Variants in KLC3 observed in about 807,000 individuals in gnomAD.
KLC3 encodes kinesin light chain 2.
Under a neutral mutation model 62.9 loss-of-function variants are expected in KLC3, and 72 were observed. That is an observed-to-expected ratio of 1.15 (90% CI 0.95 to 1.39). The LOEUF (loss-of-function observed/expected upper bound fraction) is 1.39. Ranked by LOEUF, KLC3 falls within the 40% of genes most tolerant of loss-of-function variation. KLC3 has a pLI of 0.00. For missense variants in KLC3, 848 were observed against 691.6 expected (o/e 1.23, Z -2.54); for synonymous variants, 377 against 300.5 (o/e 1.25, Z -2.63).
chr19:45,347,811 G>C, intron 4 of KLC3, 130 bp from the exon 5 acceptor site: 1 of 771,080 alleles, frequency 1.3e-6, no homozygotes, highest in South Asian at 1.7e-5. Flanking sequence ...TATCTCAGAA[G>C]TTAGCGTGGG....
rs1174299183 is a variant in KLC3 at position 45,351,311 on chromosome 19, C to T, written c.1469C>T (p.Ala490Val). 1.2e-6 allele frequency: 2 copies of T among 1,612,524 alleles called. No individual in the cohort carries two copies. The highest frequency in any genetic ancestry group is 1.7e-6 in the Non-Finnish European group (2 of 1,180,008). The change falls in exon 13 of 13, where the codon GCC (alanine) becomes GTC (valine). Residue 490 changes from alanine (A) to valine (V), a missense_variant. Physicochemically the swap from Ala to Val is moderately conservative, Grantham distance 64 (BLOSUM62 0). Coordinates refer to ENST00000391946, the MANE Select transcript of KLC3 (RefSeq NM_177417.3). Reference protein sequence around the residue: ...TQFPSWHLDKAPRTLSASTQD... With the variant: ...TQFPSWHLDKVPRTLSASTQD... ...TTTCCCAGCTGGCACCTGGACAAGG[C>T]CCCTCGGACCCTCAGCGCCAGCACC...
At chr19:45,342,965 G>A (rs948727169) in intron 1 of KLC3, among the ~76,000 whole-genome samples, 1 of 152,174 alleles carries the variant, frequency 6.6e-6, no homozygotes, top group African/African-American at 2.4e-5. Flanking sequence ...AGTGGCTTGA[G>A]TGAAGTGTGC....
At position 45,349,545 on chromosome 19, in the gene KLC3, C is replaced by CT. The variant is rs995507777; in HGVS notation, c.1087dup (p.Tyr363LeufsTer2). 7.4e-6 allele frequency: 12 copies of CT among 1,613,830 alleles called. No homozygotes were observed. Among genetic ancestry groups the CT allele is most frequent in the African/African-American group, 1.3e-5 (1 of 74,888 alleles). On this transcript the variant is annotated frameshift_variant, in exon 8 of 13. Coordinates refer to ENST00000391946, the MANE Select transcript of KLC3 (RefSeq NM_177417.3). LOFTEE classifies it high-confidence loss of function. ...GGCACTATGCCCGGGCCCTGAGCATCTATGAGGCACTGGGCGGGCCCCATG... is the reference window on the plus strand; with the variant it reads ...GGCACTATGCCCGGGCCCTGAGCATCTTATGAGGCACTGGGCGGGCCCCATG...
chr19:45,345,887 C>G, intron 2 of KLC3, 88 bp downstream of exon 2: 1 of 1,245,724 alleles, frequency 8.0e-7, no homozygotes, highest in South Asian at 1.5e-5. Context: ...ATGTAGGGGA[C>G]TGGGAGAGGG....
Position 45,349,513 on chromosome 19 carries a change from G to A in KLC3, c.1054G>A (p.Val352Met), listed in dbSNP as rs761028225. Residue 352 changes from valine to methionine, a missense_variant, in exon 8 of 13, where the codon GTG becomes ATG. By Grantham distance (21) the Val-to-Met change is conservative (BLOSUM62 1). Transcript: ENST00000391946. ...CCAGAACCAGGGCAAGTTTGAGGAC[G>A]TGGAGCGGCACTATGCCCGGGCCCT... ...LCQNQGKFED[V>M]ERHYARALSI... The A allele has an allele frequency of 1.4e-5, 23 of 1,613,450 alleles. No homozygotes were observed. Among genetic ancestry groups the A allele is most frequent in the African/African-American group, 4.0e-5 (3 of 74,878 alleles).
chr19:45,350,446 C>G lies in KLC3; in HGVS notation c.1234+15C>G. On this transcript the variant is annotated intron_variant, in intron 9 of 12. Transcript: ENST00000391946. Reference sequence around the variant, plus strand: ...CGCCCCTCTCGGTGAGCCCCTAGCCCCTGTCTGTCTTCCCTCCTGGTGGCT... The same window carrying G: ...CGCCCCTCTCGGTGAGCCCCTAGCCGCTGTCTGTCTTCCCTCCTGGTGGCT... 1 of 1,613,320 alleles carries G rather than the reference C, an allele frequency of 6.2e-7. No homozygotes were observed. Among genetic ancestry groups the G allele is most frequent in the South Asian group, 1.1e-5 (1 of 91,012 alleles).
rs764110677 is a variant in KLC3 at position 45,348,149 on chromosome 19, G to T, written c.768G>T (p.Ala256=). Residue 256 remains alanine, a synonymous_variant, in exon 5 of 13, where the codon GCG becomes GCT. Coordinates refer to ENST00000391946, the MANE Select transcript of KLC3 (RefSeq NM_177417.3). ...TGGCCACCATGCTCAACATCCTGGC[G>T]CTGGTGTACCGGTGAGCACTGCGGC... The part of the protein sequence containing the change: ...PDVATMLNIL[A]LVYRDQNKYK... The T allele has an allele frequency of 6.3e-7, 1 of 1,591,220 alleles. No individual in the cohort carries two copies.
chr19:45,349,700 G>GTGGC, intron 8 of KLC3, 98 bp downstream of exon 8: 2 of 880,162 alleles, frequency 2.3e-6, no homozygotes, highest in Non-Finnish European at 3.3e-6. Context: ...TGAGGGTGGG[G>GTGGC]GGGGGCCCCC....
At chr19:45,348,545 C>A in intron 5 of KLC3, 101 bp from the exon 6 acceptor site, 1 of 1,171,300 alleles carries the variant, frequency 8.5e-7, no homozygotes, top group Non-Finnish European at 1.2e-6. Flanking sequence ...ATGCTTGGTT[C>A]AGCCAGGTTC....
At chr19:45,345,948 T>G (rs1015303709) in intron 2 of KLC3, 149 bp downstream of exon 2, 15 of 915,086 alleles carry the variant, frequency 1.6e-5, no homozygotes, top group Non-Finnish European at 1.6e-5. Flanking sequence ...GGCAGATCAC[T>G]TGAGGTCAGG....
intron 4 of KLC3, 38 bp downstream of exon 4, chr19:45,347,554 C>A: frequency 6.4e-7 from 1 of 1,561,106 alleles, no homozygotes; most frequent in Non-Finnish European, 8.7e-7. Flanking sequence ...GGATGGCAGG[C>A]CAGGGTGGGG....
chr19:45,343,356 C>A lies in KLC3; in HGVS notation c.-8-2178C>A, dbSNP rs901471237. ...TAAATAATATTATCACTTTTTGACACGGAGTTTTGCTCTTGTCACCCAGGC... is the reference window on the plus strand; with the variant it reads ...TAAATAATATTATCACTTTTTGACAAGGAGTTTTGCTCTTGTCACCCAGGC... On this transcript the variant is annotated intron_variant, in intron 1 of 12. Coordinates refer to ENST00000391946, the MANE Select transcript of KLC3 (RefSeq NM_177417.3). Among the ~76,000 whole-genome samples, 3 of 152,078 alleles carry A rather than the reference C, an allele frequency of 2.0e-5. No homozygotes were observed. In the South Asian group the frequency reaches 6.2e-4, roughly 32 times the overall value.
At chr19:45,347,377 A>T in intron 3 of KLC3, 70 bp from the exon 4 acceptor site, 1 of 1,135,408 alleles carries the variant, frequency 8.8e-7, no homozygotes, top group Non-Finnish European at 1.3e-6. Flanking sequence ...AAAACCTGAG[A>T]TAGAGCCAGG....
At chr19:45,342,498 G>T (rs1050605688) in intron 1 of KLC3, among the ~76,000 whole-genome samples, 1 of 152,100 alleles carries the variant, frequency 6.6e-6, no homozygotes, top group African/African-American at 2.4e-5. Flanking sequence ...GGTAGCTCAC[G>T]CCTGTAATCC....
chr19:45,348,548 C>A, intron 5 of KLC3, 98 bp from the exon 6 acceptor site: 1 of 1,218,752 alleles, frequency 8.2e-7, no homozygotes, highest in Non-Finnish European at 1.2e-6. Context: ...CTTGGTTCAG[C>A]CAGGTTCCCT....
At chr19:45,350,273 AAG>A in intron 8 of KLC3, 66 bp from the exon 9 acceptor site, 1 of 1,225,226 alleles carries the variant, frequency 8.2e-7, no homozygotes, top group Non-Finnish European at 1.2e-6. Context: ...AAAAAAAAAA[AAG>A]GCGGGACTGG....
Position 45,348,676 on chromosome 19 carries a change from CCTT to C in KLC3, c.813_815del (p.Leu272del), listed in dbSNP as rs752102808. 13 of 1,594,248 alleles carry C rather than the reference CCTT, an allele frequency of 8.2e-6. No individual in the cohort carries two copies. The highest frequency in any genetic ancestry group is 2.3e-5 in the East Asian group (1 of 43,648). On this transcript the variant is annotated inframe_deletion, in exon 6 of 13. Transcript: ENST00000391946. ...AGAACAAGTACAAAGAAGCCACAGA[CCTT>C]CTCCATGATGCCCTGCAGATCCGGG...
At position 45,346,741 on chromosome 19, in the gene KLC3, G is replaced by T; in HGVS notation, c.456G>T (p.Gln152His). The T allele has an allele frequency of 1.3e-6, 2 of 1,588,664 alleles. No homozygotes were observed. Among genetic ancestry groups the T allele is most frequent in the Non-Finnish European group, 1.7e-6 (2 of 1,168,296 alleles). ...EEKRHLEFLG[Q>H]LRQYDPPAES... Reference sequence around the variant, plus strand: ...AGCGCCACCTGGAGTTCCTGGGGCAGCTGCGACAGTACGACCCACCGGCGG... The same window carrying T: ...AGCGCCACCTGGAGTTCCTGGGGCATCTGCGACAGTACGACCCACCGGCGG... Residue 152 changes from glutamine to histidine, a missense_variant, in exon 3 of 13, where the codon CAG becomes CAT. Physicochemically the swap from Gln to His is conservative, Grantham distance 24. Transcript: ENST00000391946.
At chr19:45,350,187 C>T (rs1971658324) in intron 8 of KLC3, 154 bp from the exon 9 acceptor site, 2 of 627,280 alleles carry the variant, frequency 3.2e-6, no homozygotes, top group East Asian at 2.7e-5. Context: ...TTTGGGAGGC[C>T]AAGGCAGGAG....
Sources: gnomAD v4.1 joint callset for allele counts (sites outside exome capture counted in the v4.1 genomes callset) on GRCh38, gnomAD v4.1.1 for gene constraint, MANE v1.5 for transcripts, NCBI Gene and HGNC (gene_info 2026-07-23, HGNC 2026-07-21) for gene names.